The following NRG3 variants were observed in gnomAD, a reference collection of about 807,000 sequenced individuals.
NRG3 encodes pro-neuregulin-3, membrane-bound isoform.
A neutral mutation model predicts 66.9 loss-of-function variants in NRG3; 31 were observed. The ratio of observed to expected loss-of-function variants is 0.46; its 90% CI spans 0.35 to 0.63. The LOEUF is 0.63. Among genes scored for constraint, NRG3 ranks in the 20% least tolerant of loss-of-function variants. The pLI, the probability that NRG3 is intolerant of heterozygous loss-of-function variation, is 0.00. For missense variants in NRG3, 910 were observed against 878.9 expected, an observed-to-expected ratio of 1.04 and a Z score of -0.45; for synonymous variants, 393 against 359.4, an observed-to-expected ratio of 1.09 and a Z score of -1.06.
At chr10:82,492,835 C>T (rs1843272677) in intron 2 of NRG3, among the ~76,000 whole-genome samples, 1 of 152,216 alleles carries the variant, frequency 6.6e-6, no homozygotes, top group African/African-American at 2.4e-5. Context: ...TCAGTGATCT[C>T]TCTAATGTTA....
At chr10:82,245,128 A>G (rs2077177542) in intron 1 of NRG3, among the ~76,000 whole-genome samples, 1 of 151,854 alleles carries the variant, frequency 6.6e-6, no homozygotes, top group African/African-American at 2.4e-5. Flanking sequence ...AATCAGTGGG[A>G]GCCCTGAGCT....
intron 3 of NRG3, among the ~76,000 whole-genome samples, chr10:82,796,283 C>G (rs1024412316): frequency 2.8e-4 from 42 of 152,066 alleles, no homozygotes; most frequent in African/African-American, 9.4e-4. Flanking sequence ...TCTCCATGAA[C>G]TTAATACTAA....
chr10:82,483,090 G>T (rs1320001394), intron 2 of NRG3, among the ~76,000 whole-genome samples: 1 of 152,096 alleles, frequency 6.6e-6, no homozygotes, highest in Non-Finnish European at 1.5e-5. Flanking sequence ...GGGCAGATGG[G>T]CCCAAACAGA....
intron 1 of NRG3, among the ~76,000 whole-genome samples, chr10:82,155,813 T>C (rs1298070687): frequency 6.6e-6 from 1 of 151,700 alleles, no homozygotes; most frequent in African/African-American, 2.4e-5. Context: ...TTATATTTCA[T>C]GTGATTATAA....
chr10:82,152,788 T>C (rs2070860171), intron 1 of NRG3, among the ~76,000 whole-genome samples: 1 of 151,540 alleles, frequency 6.6e-6, no homozygotes, highest in Non-Finnish European at 1.5e-5. Context: ...TCCTTCTCCT[T>C]CTTCTTCCCC....
intron 2 of NRG3, among the ~76,000 whole-genome samples, chr10:82,667,352 A>G (rs2052876973): frequency 6.6e-6 from 1 of 152,184 alleles, no homozygotes; most frequent in African/African-American, 2.4e-5. Context: ...GGTGTGAGGC[A>G]GATGTGAAGA....
In NRG3 at chr10:82,706,455, A is replaced by G. The variant is rs375262697; in HGVS notation, c.954-32122A>G. The stretch of plus-strand genomic sequence containing the variant: ...AAATCTTACTATATTAACAAAAATC[A>G]TAGGCAACGTTAAAGCCTCTTGAAC... On this transcript the variant is annotated intron_variant, in intron 2 of 8. Transcript: ENST00000372141. 1.5e-4 allele frequency among the ~76,000 whole-genome samples: 23 copies of G among 152,328 alleles called. No homozygotes were observed. The South Asian group carries it at 2.3e-3, about 15-fold the overall frequency.
At chr10:82,771,810 A>AT (rs200231205) in intron 3 of NRG3, among the ~76,000 whole-genome samples, 2,080 of 151,346 alleles carry the variant, frequency 0.014, 44 homozygotes, top group African/African-American at 0.048. Flanking sequence ...TGAGCTCATT[A>AT]TTTTTTTTTC....
intron 3 of NRG3, among the ~76,000 whole-genome samples, chr10:82,762,805 G>A (rs1365818853): frequency 6.6e-6 from 1 of 152,142 alleles, no homozygotes. Context: ...ATAGTATGCT[G>A]TGGTTTGAAT....
intron 1 of NRG3, among the ~76,000 whole-genome samples, chr10:82,176,326 A>G (rs2073028994): frequency 6.6e-6 from 1 of 152,108 alleles, no homozygotes. Flanking sequence ...CTTTCTCAGG[A>G]GCATATACAC....
intron 2 of NRG3, among the ~76,000 whole-genome samples, chr10:82,614,374 G>C (rs1249110453): frequency 1.3e-5 from 2 of 152,176 alleles, no homozygotes; most frequent in African/African-American, 4.8e-5. Context: ...ACAAATTACA[G>C]GTGCAGCAGT....
intron 3 of NRG3, among the ~76,000 whole-genome samples, chr10:82,860,570 A>G (rs2064070139): frequency 6.6e-6 from 1 of 152,170 alleles, no homozygotes; most frequent in Non-Finnish European, 1.5e-5. Context: ...GAACATTACA[A>G]CAATCTTATA....
intron 2 of NRG3, among the ~76,000 whole-genome samples, chr10:82,485,980 G>A (rs1842646995): frequency 6.6e-6 from 1 of 152,126 alleles, no homozygotes; most frequent in Non-Finnish European, 1.5e-5. Context: ...ATTAAAAAAT[G>A]GAAGTGGACT....
At chr10:82,761,948 C>CTT (rs1172341519) in intron 3 of NRG3, among the ~76,000 whole-genome samples, 3 of 126,606 alleles carry the variant, frequency 2.4e-5, no homozygotes, top group Non-Finnish European at 3.4e-5. Flanking sequence ...TTCTTTCTTT[C>CTT]TTTCTTTCTT....
At chr10:82,620,463 C>T (rs569738544) in intron 2 of NRG3, among the ~76,000 whole-genome samples, 79 of 152,184 alleles carry the variant, frequency 5.2e-4, no homozygotes, top group Non-Finnish European at 9.0e-4. Flanking sequence ...TGGCCCTCTC[C>T]GGCTGGCTCT....
intron 1 of NRG3, among the ~76,000 whole-genome samples, chr10:82,190,627 C>T (rs1346017091): frequency 6.6e-6 from 1 of 152,138 alleles, no homozygotes; most frequent in Non-Finnish European, 1.5e-5. Flanking sequence ...GACAAGCTTT[C>T]CCACTGGCTC....
chr10:82,408,089 A>AGAGAGAC (rs1564888139), intron 2 of NRG3, among the ~76,000 whole-genome samples: 4 of 54,936 alleles, frequency 7.3e-5, no homozygotes, highest in South Asian at 5.5e-4. Flanking sequence ...GAGAGACAGA[A>AGAGAGAC]AGAAAGAAAG....
At chr10:82,371,037 T>G (rs1485385479) in intron 2 of NRG3, among the ~76,000 whole-genome samples, 1 of 151,856 alleles carries the variant, frequency 6.6e-6, no homozygotes, top group Non-Finnish European at 1.5e-5. Context: ...TGCAAGACAC[T>G]GAGGTTCAGT....
At chr10:82,327,236 A>G (rs1424183753) in intron 1 of NRG3, among the ~76,000 whole-genome samples, 1 of 152,210 alleles carries the variant, frequency 6.6e-6, no homozygotes, top group African/African-American at 2.4e-5. Flanking sequence ...TGCCCAGTCC[A>G]TGGCCTGAGC....
Sources: allele counts gnomAD v4.1 joint callset (sites outside exome capture counted in the v4.1 genomes callset), GRCh38; gene constraint gnomAD v4.1.1; transcripts MANE v1.5; gene names NCBI Gene and HGNC (gene_info 2026-07-23, HGNC 2026-07-21).